MGST1: variants seen among roughly 807,000 people sequenced by gnomAD.
MGST1 encodes glutathione S-transferase 12.
A neutral mutation model predicts 8.9 loss-of-function variants in MGST1; 5 were observed. That is an observed-to-expected ratio of 0.56 (90% CI 0.29 to 1.19). The LOEUF (loss-of-function observed/expected upper bound fraction) is 1.19, where lower values mean the gene tolerates loss of function less well. Among genes scored for constraint, MGST1 ranks in the 50% most tolerant of loss-of-function variants. The pLI, the probability that MGST1 is intolerant of heterozygous loss-of-function variation, is 0.08. For synonymous variants in MGST1, 54 were observed against 67.8 expected (o/e 0.80, Z 1.00); for missense variants, 182 against 187.4 (o/e 0.97, Z 0.17).
At chr12:16,511,644 T>A (rs1449775032) in intron 4 of MGST1, among the ~76,000 whole-genome samples, 1 of 152,198 alleles carries the variant, frequency 6.6e-6, no homozygotes, top group East Asian at 1.9e-4. Context: ...TTCTTCTTCC[T>A]TGTTCTTAAA....
intron 1 of MGST1, among the ~76,000 whole-genome samples, chr12:16,424,297 G>A (rs765633158): frequency 6.6e-6 from 1 of 152,148 alleles, no homozygotes; most frequent in Non-Finnish European, 1.5e-5. Context: ...CTTGATCAAA[G>A]CCTTCCTGAA....
chr12:16,356,358 C>T (rs1283521178), intron 2 of MGST1, among the ~76,000 whole-genome samples: 1 of 151,912 alleles, frequency 6.6e-6, no homozygotes, highest in East Asian at 1.9e-4. Flanking sequence ...GTGTGCCAGG[C>T]ACTTATTTAG....
At position 16,362,220 on chromosome 12, in the gene MGST1, G is replaced by A. The variant is rs906359303; in HGVS notation, c.222-1575G>A. The stretch of plus-strand genomic sequence containing the variant: ...TTCTTTAATAGAAAATGGTATTCCT[G>A]TCTTTTCTTTCCCATCTCATTCTCA... On this transcript the variant is annotated intron_variant, in intron 3 of 3. Coordinates refer to ENST00000396210, the MANE Select transcript of MGST1 (RefSeq NM_020300.5). The surrounding 1 kb of genome is among the most constrained non-coding windows in gnomAD (Gnocchi z 4.4). Among the ~76,000 whole-genome samples, 9 of 152,152 alleles carry A rather than the reference G, an allele frequency of 5.9e-5. No homozygotes were observed. Among genetic ancestry groups the A allele is most frequent in the African/African-American group, 1.9e-4 (8 of 41,430 alleles).
chr12:16,412,170 C>T (rs1428531453), intron 1 of MGST1, among the ~76,000 whole-genome samples: 6 of 152,118 alleles, frequency 3.9e-5, no homozygotes, highest in Non-Finnish European at 7.4e-5. Flanking sequence ...TTTAAGGTCA[C>T]GCTTGAAGTC....
chr12:16,563,538 T>C (rs1257025993), intron 4 of MGST1, among the ~76,000 whole-genome samples: 2 of 152,166 alleles, frequency 1.3e-5, no homozygotes, highest in African/African-American at 4.8e-5. Context: ...AAACAGTCTC[T>C]TAACTATCTA....
At chr12:16,387,548 A>G (rs1322919333) in intron 1 of MGST1, among the ~76,000 whole-genome samples, 1 of 145,960 alleles carries the variant, frequency 6.9e-6, no homozygotes, top group South Asian at 2.2e-4. Context: ...TTTTTTTGAG[A>G]TGGAGTCTCG....
intron 4 of MGST1, among the ~76,000 whole-genome samples, chr12:16,464,253 C>T (rs1024189656): frequency 9.9e-5 from 15 of 152,192 alleles, no homozygotes; most frequent in Non-Finnish European, 1.9e-4. Context: ...TATTTCATTA[C>T]ATTTCCGCCC....
intron 1 of MGST1, among the ~76,000 whole-genome samples, chr12:16,407,112 A>T (rs1940702821): frequency 6.6e-6 from 1 of 152,250 alleles, no homozygotes; most frequent in African/African-American, 2.4e-5. Flanking sequence ...CTATCAACAG[A>T]GTGAAGAGAC....
downstream of MGST1, among the ~76,000 whole-genome samples, chr12:16,380,476 G>A (rs527589647): frequency 6.6e-6 from 1 of 152,252 alleles, no homozygotes; most frequent in East Asian, 1.9e-4. Flanking sequence ...TTAATCCTGA[G>A]TTCTAGTTTG....
intron 1 of MGST1, among the ~76,000 whole-genome samples, chr12:16,411,518 G>C (rs1424829182): frequency 6.6e-6 from 1 of 152,026 alleles, no homozygotes; most frequent in Non-Finnish European, 1.5e-5. Flanking sequence ...CTTCAAAAAT[G>C]TTAGTTTTCT....
intron 4 of MGST1, among the ~76,000 whole-genome samples, chr12:16,542,799 T>C (rs1941800356): frequency 6.6e-6 from 1 of 152,192 alleles, no homozygotes; most frequent in Non-Finnish European, 1.5e-5. Flanking sequence ...GCATTAGTTA[T>C]GCTATATATC....
At chr12:16,438,677 C>CT (rs2137100668) in exon 2 of MGST1, 1 of 151,922 alleles carries the variant, frequency 6.6e-6, no homozygotes, top group Admixed American at 6.6e-5. Flanking sequence ...TCGTTTCCTT[C>CT]TTTATGTTGA....
rs1056617931 is a variant in MGST1, at chr12:16,481,735, G to A, written n.482+98131G>A. Among the ~76,000 whole-genome samples, 32 of 151,808 alleles carry A rather than the reference G, an allele frequency of 2.1e-4. 1 individual carries two copies. Among genetic ancestry groups the A allele is most frequent in the East Asian group, 1.9e-4 (1 of 5,166 alleles). Reference sequence around the variant, plus strand: ...AAAGGGATTGAAAATATAAAATAACGGTTATAAAAGACAATGGCTGGAGTG... The same window carrying A: ...AAAGGGATTGAAAATATAAAATAACAGTTATAAAAGACAATGGCTGGAGTG... On this transcript the variant is annotated intron_variant and non_coding_transcript_variant, in intron 4 of 4. Transcript: ENST00000538857.
At chr12:16,507,547 G>A (rs563949011) in intron 4 of MGST1, among the ~76,000 whole-genome samples, 42 of 152,242 alleles carry the variant, frequency 2.8e-4, no homozygotes, top group African/African-American at 1.0e-3. Context: ...CTGCTATAAA[G>A]AACTACCTGA....
Position 16,401,734 on chromosome 12 carries a change from AT to A in MGST1, n.778+18136del. 2 of 1,600,658 alleles carry A rather than the reference AT, an allele frequency of 1.2e-6. No individual in the cohort carries two copies. Among genetic ancestry groups the A allele is most frequent in the Non-Finnish European group, 1.7e-6 (2 of 1,167,778 alleles). On this transcript the variant is annotated intron_variant and non_coding_transcript_variant, in intron 1 of 1. Coordinates refer to the MGST1 transcript ENST00000359720. The surrounding 1 kb of genome is among the most constrained non-coding windows in gnomAD (Gnocchi z 4.3). ...GTAGAAGGGTCTGCCCCAGCAAGGT[AT>A]TTTTTCTCTTCAACGGCCTTTTCCA...
At chr12:16,506,217 C>T (rs11056961) in intron 4 of MGST1, among the ~76,000 whole-genome samples, 2,914 of 152,152 alleles carry the variant, frequency 0.019, 102 homozygotes, top group East Asian at 0.17. Flanking sequence ...TGTCAACATG[C>T]GCCCTCATTC....
chr12:16,383,782 T>G (rs1277318379), intron 1 of MGST1, among the ~76,000 whole-genome samples: 1 of 152,198 alleles, frequency 6.6e-6, no homozygotes, highest in Non-Finnish European at 1.5e-5. Context: ...TCTTAAAGTT[T>G]GTGTTAAGAT....
intron 1 of MGST1, among the ~76,000 whole-genome samples, chr12:16,436,793 G>T (rs1001911600): frequency 1.3e-5 from 2 of 151,984 alleles, no homozygotes; most frequent in Non-Finnish European, 2.9e-5. Flanking sequence ...CAGTCATGCA[G>T]CTAGCTAGCA....
At chr12:16,481,468 G>A (rs574588463) in intron 4 of MGST1, among the ~76,000 whole-genome samples, 7 of 152,238 alleles carry the variant, frequency 4.6e-5, no homozygotes, top group African/African-American at 1.4e-4. Context: ...TTGAAGATAT[G>A]TCTAGGATCC....
Sources: allele counts gnomAD v4.1 joint callset (sites outside exome capture counted in the v4.1 genomes callset), GRCh38; gene constraint gnomAD v4.1.1; non-coding constraint Gnocchi (gnomAD v3.1); transcripts MANE v1.5; gene names NCBI Gene and HGNC (gene_info 2026-07-23, HGNC 2026-07-21).